FGD4: variants seen among roughly 807,000 people sequenced by gnomAD.
The protein encoded by FGD4 is FYVE, RhoGEF and PH domain containing 4, also known as FYVE, RhoGEF and PH domain-containing protein 4.
FGD4 carries 42 observed loss-of-function variants against 102.0 expected under a neutral mutation model. That is an observed-to-expected ratio of 0.41 (90% confidence interval 0.32 to 0.53). The LOEUF (loss-of-function observed/expected upper bound fraction) is 0.53. Ranked by LOEUF, FGD4 falls within the 20% of genes least tolerant of loss-of-function variation. FGD4 has a pLI of 0.21. For synonymous variants in FGD4, 380 were observed against 375.7 expected (o/e 1.01, Z -0.13); for missense variants, 902 against 1,078.2 (o/e 0.84, Z 2.29).
intron 2 of FGD4, among the ~76,000 whole-genome samples, chr12:32,565,667 AAG>A (rs1945130198): frequency 6.6e-6 from 1 of 152,194 alleles, no homozygotes; most frequent in Admixed American, 6.5e-5. Context: ...TGAGAGATAT[AAG>A]AGTGTCCTTT....
At chr12:32,505,898 G>C (rs554604635) in intron 1 of FGD4, among the ~76,000 whole-genome samples, 296 of 152,216 alleles carry the variant, frequency 1.9e-3, no homozygotes, top group African/African-American at 6.8e-3. Flanking sequence ...GTTCGCATAA[G>C]GCAAACAGAC....
chr12:32,596,767 C>T (rs1037101556), intron 4 of FGD4, among the ~76,000 whole-genome samples: 10 of 151,874 alleles, frequency 6.6e-5, no homozygotes, highest in African/African-American at 2.4e-4. Flanking sequence ...GAAACCTCGT[C>T]TCTGCTAAAA....
intron 1 of FGD4, among the ~76,000 whole-genome samples, chr12:32,411,687 C>CA (rs1417709358): frequency 2.0e-5 from 3 of 152,014 alleles, no homozygotes; most frequent in Non-Finnish European, 2.9e-5. Context: ...CTCAAAAAGG[C>CA]ATACTGGTTG....
intron 1 of FGD4, among the ~76,000 whole-genome samples, chr12:32,450,507 G>T (rs1942745060): frequency 6.6e-6 from 1 of 151,966 alleles, no homozygotes; most frequent in African/African-American, 2.4e-5. Context: ...ATAATTCTTT[G>T]AGCATGTCTA....
intron 1 of FGD4, among the ~76,000 whole-genome samples, chr12:32,517,933 T>G: frequency 6.7e-6 from 1 of 149,884 alleles, no homozygotes; most frequent in East Asian, 2.0e-4. Context: ...ATTTTGGAGA[T>G]TCCCTCCCAC....
At chr12:32,491,255 TAGAG>T (rs1434218881) in intron 1 of FGD4, among the ~76,000 whole-genome samples, 1 of 151,480 alleles carries the variant, frequency 6.6e-6, no homozygotes, top group Non-Finnish European at 1.5e-5. Flanking sequence ...AAACTCTAAG[TAGAG>T]AGAGAAAAGT....
chr12:32,471,884 C>T (rs1943423615), intron 1 of FGD4, among the ~76,000 whole-genome samples: 1 of 152,156 alleles, frequency 6.6e-6, no homozygotes, highest in South Asian at 2.1e-4. Flanking sequence ...CAGTAATAGG[C>T]CCAGCCTACA....
At chr12:32,635,560 TC>T (rs1417838360) in intron 15 of FGD4, among the ~76,000 whole-genome samples, 1 of 152,134 alleles carries the variant, frequency 6.6e-6, no homozygotes, top group Non-Finnish European at 1.5e-5. Flanking sequence ...AGAACAGTGA[TC>T]AACACACTTT....
In FGD4 at chr12:32,451,834, C is replaced by CAAAAAAAAAAA. The variant is rs60760923; in HGVS notation, c.166+51895_166+51905dup. Among the ~76,000 whole-genome samples the CAAAAAAAAAAA allele has an allele frequency of 1.6e-3, 38 of 24,154 alleles. 7 individuals carry two copies. The highest frequency in any genetic ancestry group is 2.2e-3 in the Non-Finnish European group (31 of 14,342). The allele number at this position is 24,154 out of a possible 152,430, so 15.8% of individuals were successfully genotyped here. On this transcript the variant is annotated intron_variant, in intron 1 of 16. Transcript: ENST00000534526. ...GGGCAACAAAAGCGAAACTCCATCT[C>CAAAAAAAAAAA]AAAAAAAAAAAAAAAAAAAAAAAAA...
chr12:32,402,844 A>T (rs147202787), intron 1 of FGD4, among the ~76,000 whole-genome samples: 12 of 152,216 alleles, frequency 7.9e-5, no homozygotes, highest in African/African-American at 2.4e-4. Context: ...AAGTAGTCTC[A>T]AACTACTGGA....
rs150106388 is a variant in FGD4 at position 32,416,850 on chromosome 12, A to G, written c.166+16891A>G. Reference sequence around the variant, plus strand: ...GTGTGCCATTACCAGTGAGTTTTGTACCTTCAGATGATTTCTTATTGCTCA... The same window carrying G: ...GTGTGCCATTACCAGTGAGTTTTGTGCCTTCAGATGATTTCTTATTGCTCA... On this transcript the variant is annotated intron_variant, in intron 1 of 16. Transcript: ENST00000534526. Among the ~76,000 whole-genome samples, 396 of 150,428 alleles carry G rather than the reference A, an allele frequency of 2.6e-3. 1 individual carries two copies. Among genetic ancestry groups the G allele is most frequent in the African/African-American group, 9.0e-3 (369 of 41,124 alleles).
At chr12:32,626,261 A>C (rs1022379334) in intron 14 of FGD4, among the ~76,000 whole-genome samples, 2 of 152,138 alleles carry the variant, frequency 1.3e-5, no homozygotes, top group African/African-American at 4.8e-5. Context: ...CCTGACCAAC[A>C]TGGTGAAATC....
rs1284082095 is a variant in FGD4, at chr12:32,632,671, CTTTATTTTTATT to C, written c.2173-864_2173-853del. 3.3e-5 allele frequency among the ~76,000 whole-genome samples: 5 copies of C among 150,596 alleles called. No individual in the cohort carries two copies. The South Asian group carries it at 6.3e-4, about 19-fold the overall frequency. ...ATAGAAGAGGAATAAATCAGAGTAG[CTTTATTTTTATT>C]TTTATTTTTATTTATTTATTTATTT... On this transcript the variant is annotated intron_variant, in intron 14 of 16. Coordinates refer to ENST00000534526, the MANE Select transcript of FGD4 (RefSeq NM_001370298.3).
At chr12:32,571,005 G>T (rs938601531) in intron 2 of FGD4, among the ~76,000 whole-genome samples, 1 of 152,194 alleles carries the variant, frequency 6.6e-6, no homozygotes, top group African/African-American at 2.4e-5. Context: ...TCTTGTGCAA[G>T]TACAAAGTGC....
intron 1 of FGD4, among the ~76,000 whole-genome samples, chr12:32,441,622 A>T (rs1942438162): frequency 6.6e-6 from 1 of 151,928 alleles, no homozygotes; most frequent in Admixed American, 6.6e-5. Flanking sequence ...ACCTGGAATT[A>T]GGGGAGGGGT....
At chr12:32,490,456 C>G (rs889728522) in intron 1 of FGD4, among the ~76,000 whole-genome samples, 6 of 140,874 alleles carry the variant, frequency 4.3e-5, no homozygotes, top group African/African-American at 1.6e-4. Context: ...GAGTGCAGTG[C>G]TTGGATCTCG....
At position 32,638,814 on chromosome 12, in the gene FGD4, T is replaced by A. The variant is rs1950996056; in HGVS notation, c.2454+19T>A. 1.9e-6 allele frequency: 3 copies of A among 1,613,796 alleles called. No individual in the cohort carries two copies. Among genetic ancestry groups the A allele is most frequent in the Non-Finnish European group, 2.5e-6 (3 of 1,179,876 alleles). On this transcript the variant is annotated intron_variant, in intron 16 of 16. Coordinates refer to ENST00000534526, the MANE Select transcript of FGD4 (RefSeq NM_001370298.3). ...CCCCCAGGTATCTAAACCACATCTG[T>A]CTGAAGGGACAGATGCCCTTGGGGG...
chr12:32,487,665 G>A (rs970326726), intron 1 of FGD4, among the ~76,000 whole-genome samples: 1 of 152,218 alleles, frequency 6.6e-6, no homozygotes, highest in Non-Finnish European at 1.5e-5. Context: ...GACCTCAAGT[G>A]ATCCACCCGC....
chr12:32,606,136 ATGTACG>A (rs1401704160), intron 7 of FGD4, among the ~76,000 whole-genome samples: 1 of 152,208 alleles, frequency 6.6e-6, no homozygotes, highest in East Asian at 1.9e-4. Context: ...ACTTTCCTTG[ATGTACG>A]TAATAGATTT....
Sources: gnomAD v4.1 joint callset for allele counts (sites outside exome capture counted in the v4.1 genomes callset) on GRCh38, gnomAD v4.1.1 for gene constraint, MANE v1.5 for transcripts, NCBI Gene and HGNC (gene_info 2026-07-23, HGNC 2026-07-21) for gene names.